Variants in CAPRIN1 observed in about 807,000 individuals in gnomAD.
The protein encoded by CAPRIN1 is cell cycle associated protein 1.
CAPRIN1 carries 29 observed loss-of-function variants against 100.9 expected under a neutral mutation model. The observed-to-expected ratio is 0.29, with a 90% CI of 0.21 to 0.39. The LOEUF is 0.39. Ranked by LOEUF, CAPRIN1 falls within the 10% of genes least tolerant of loss-of-function variation. The pLI is 1.00. For missense variants in CAPRIN1, 795 were observed against 876.7 expected (o/e 0.91, Z 1.18); for synonymous variants, 338 against 307.5 (o/e 1.10, Z -1.04).
intron 12 of CAPRIN1, 123 bp downstream of exon 12, chr11:34,089,579 C>A: frequency 2.1e-6 from 1 of 486,472 alleles, no homozygotes. Flanking sequence ...CCAGTCTGGG[C>A]AGTGTAGCGA....
chr11:34,083,657 C>G (rs1179404991), intron 9 of CAPRIN1, among the ~76,000 whole-genome samples: 1 of 152,244 alleles, frequency 6.6e-6, no homozygotes, highest in African/African-American at 2.4e-5. Flanking sequence ...CCAACTGGTC[C>G]TGGCCTTCCT....
chr11:34,076,412 G>A lies in CAPRIN1; in HGVS notation c.543G>A (p.Glu181=). 5.6e-6 allele frequency: 9 copies of A among 1,614,208 alleles called. No homozygotes were observed. Among genetic ancestry groups the A allele is most frequent in the Non-Finnish European group, 6.8e-6 (8 of 1,180,040 alleles). Residue 181 remains glutamate, a synonymous_variant, in exon 5 of 19, where the codon GAG becomes GAA. Transcript: ENST00000341394. ...GLNGVPILSE[E]ELSLLDEFYK... ...ATGGAGTGCCAATATTGTCCGAAGA[G>A]GAGTTGTCATTGTTGGATGAATTCT...
chr11:34,075,264 T>C (rs980109675), intron 4 of CAPRIN1, among the ~76,000 whole-genome samples: 2 of 152,162 alleles, frequency 1.3e-5, no homozygotes, highest in Non-Finnish European at 2.9e-5. Flanking sequence ...AGGTTTCATA[T>C]GTCCCTATTT....
chr11:34,093,202 A>T (rs61880385), intron 15 of CAPRIN1, among the ~76,000 whole-genome samples: 131,797 of 149,604 alleles, frequency 0.88, 58,042 homozygotes, highest in East Asian at 0.99. Context: ...TTTTATATAT[A>T]TATTTTTTTA....
chr11:34,068,193 T>A (rs548727842), intron 2 of CAPRIN1, among the ~76,000 whole-genome samples: 2 of 152,328 alleles, frequency 1.3e-5, no homozygotes, highest in Non-Finnish European at 2.9e-5. Flanking sequence ...ATGGCATGGC[T>A]TCCTCATCAT....
At chr11:34,053,700 TG>T (rs1259527723) in intron 2 of CAPRIN1, 1 of 152,234 alleles carries the variant, frequency 6.6e-6, no homozygotes, top group Non-Finnish European at 1.5e-5. Flanking sequence ...GTCAGCCTTT[TG>T]TTTTATGCTT....
At chr11:34,071,011 T>G (rs759160386) in intron 2 of CAPRIN1, among the ~76,000 whole-genome samples, 10 of 152,176 alleles carry the variant, frequency 6.6e-5, no homozygotes, top group Non-Finnish European at 1.5e-5. Flanking sequence ...CTAAAAATAC[T>G]CTTATATCAC....
chr11:34,060,502 G>GC (rs1565083042), intron 2 of CAPRIN1, among the ~76,000 whole-genome samples: 6 of 152,126 alleles, frequency 3.9e-5, no homozygotes. Flanking sequence ...ACTGTGCCTG[G>GC]CCCCCCTCAA....
chr11:34,073,046 A>G lies in CAPRIN1; in HGVS notation c.366+1059A>G, dbSNP rs73499094. Among the ~76,000 whole-genome samples, 419 of 152,316 alleles carry G rather than the reference A, an allele frequency of 2.8e-3. 3 individuals are homozygous for G. The highest frequency in any genetic ancestry group is 9.4e-3 in the African/African-American group (389 of 41,568). On this transcript the variant is annotated intron_variant, in intron 4 of 18. Coordinates refer to ENST00000341394, the MANE Select transcript of CAPRIN1 (RefSeq NM_005898.5). ...TGTAAGTACACTCCATGTTTGCACA[A>G]TGAGGAAATTCCCTACTGACATATT...
intron 17 of CAPRIN1, 44 bp downstream of exon 17, chr11:34,097,340 C>A: frequency 1.4e-6 from 2 of 1,394,930 alleles, no homozygotes; most frequent in Non-Finnish European, 2.0e-6. Flanking sequence ...CTAAATATAC[C>A]AATGAAAGTG....
chr11:34,098,406 T>G (rs982266160), intron 18 of CAPRIN1: 2 of 985,242 alleles, frequency 2.0e-6, no homozygotes, highest in African/African-American at 3.5e-5. Flanking sequence ...GTTGGAAAAC[T>G]ACTTCCCATT....
intron 7 of CAPRIN1, among the ~76,000 whole-genome samples, chr11:34,082,000 C>CG (rs1219108900): frequency 6.6e-6 from 1 of 150,456 alleles, no homozygotes; most frequent in Non-Finnish European, 1.5e-5. Context: ...TTAGTAGAGA[C>CG]GGGGTTTCAC....
chr11:34,097,375 C>A, intron 17 of CAPRIN1, 79 bp downstream of exon 17: 2 of 1,164,188 alleles, frequency 1.7e-6, no homozygotes, highest in Non-Finnish European at 1.3e-6. Context: ...CTTAATGAAC[C>A]TAAGTAACTA....
intron 9 of CAPRIN1, among the ~76,000 whole-genome samples, chr11:34,083,351 T>G (rs1232874639): frequency 6.6e-6 from 1 of 152,208 alleles, no homozygotes; most frequent in Non-Finnish European, 1.5e-5. Flanking sequence ...CCCACACTGA[T>G]AGCTGTGTTT....
chr11:34,093,186 AT>A (rs1241480036), intron 15 of CAPRIN1, among the ~76,000 whole-genome samples: 3 of 44,666 alleles, frequency 6.7e-5, no homozygotes, highest in Non-Finnish European at 9.9e-5. Context: ...GATACTTTAG[AT>A]TTTTTTTTAT....
chr11:34,052,408 T>A lies in CAPRIN1; in HGVS notation c.1-13T>A, dbSNP rs772392210. 2.5e-6 allele frequency: 4 copies of A among 1,602,836 alleles called. No homozygotes were observed. In the South Asian group the frequency reaches 4.4e-5, roughly 18 times the overall value. ...TCCTCCCGCTTTTTCTTCTCTCTCCTTGCGGTCTGAAGATGCCCTCGGCCA... is the reference window on the plus strand; with the variant it reads ...TCCTCCCGCTTTTTCTTCTCTCTCCATGCGGTCTGAAGATGCCCTCGGCCA... On this transcript the variant is annotated splice_polypyrimidine_tract_variant and intron_variant, in intron 1 of 18. Transcript: ENST00000341394.
intron 7 of CAPRIN1, among the ~76,000 whole-genome samples, chr11:34,081,182 CT>C (rs1418880526): frequency 4.0e-5 from 6 of 151,022 alleles, no homozygotes; most frequent in African/African-American, 1.5e-4. Context: ...AAACTATTTA[CT>C]TATTTGGAAT....
chr11:34,094,182 G>A (rs997707859), intron 15 of CAPRIN1, among the ~76,000 whole-genome samples: 1 of 151,904 alleles, frequency 6.6e-6, no homozygotes, highest in Non-Finnish European at 1.5e-5. Context: ...ATTGTGGGCC[G>A]TTGTCCAGTG....
At chr11:34,094,261 T>C in intron 15 of CAPRIN1, among the ~76,000 whole-genome samples, 1 of 152,068 alleles carries the variant, frequency 6.6e-6, no homozygotes, top group East Asian at 2.0e-4. Flanking sequence ...CAAGCGATTC[T>C]CCTGCCTCGG....
Sources: gnomAD v4.1 joint callset for allele counts (sites outside exome capture counted in the v4.1 genomes callset) on GRCh38, gnomAD v4.1.1 for gene constraint, MANE v1.5 for transcripts, NCBI Gene and HGNC (gene_info 2026-07-23, HGNC 2026-07-21) for gene names.